The following TMEM232 variants were observed in gnomAD, a reference collection of about 807,000 sequenced individuals.
TMEM232 encodes the protein transmembrane protein 232.
Under a neutral mutation model 78.8 loss-of-function variants are expected in TMEM232, and 80 were observed. The ratio of observed to expected loss-of-function variants is 1.01; its 90% CI spans 0.85 to 1.22. The LOEUF is 1.22. Among genes scored for constraint, TMEM232 ranks in the 50% most tolerant of loss-of-function variants. The pLI is 0.00. For synonymous variants in TMEM232, 297 were observed against 254.3 expected (o/e 1.17, Z -1.60); for missense variants, 881 against 742.2 (o/e 1.19, Z -2.17).
chr5:110,575,368 T>A (rs181076403), intron 10 of TMEM232, among the ~76,000 whole-genome samples: 3 of 152,184 alleles, frequency 2.0e-5, no homozygotes, highest in African/African-American at 7.2e-5. Context: ...TTTATTAGAA[T>A]GTGGTAGTTG....
intron 12 of TMEM232, among the ~76,000 whole-genome samples, chr5:110,452,013 A>T (rs1580735313): frequency 6.6e-6 from 1 of 152,282 alleles, no homozygotes; most frequent in East Asian, 1.9e-4. Flanking sequence ...AACATATTCT[A>T]GCAAAGAAAA....
intron 10 of TMEM232, among the ~76,000 whole-genome samples, chr5:110,579,568 G>C (rs1360563339): frequency 2.6e-5 from 4 of 151,686 alleles, no homozygotes; most frequent in Non-Finnish European, 5.9e-5. Flanking sequence ...TTAGAGCTTT[G>C]AGAAGTGTAG....
At chr5:110,547,163 T>C (rs1344829618) in intron 11 of TMEM232, among the ~76,000 whole-genome samples, 1 of 152,172 alleles carries the variant, frequency 6.6e-6, no homozygotes, top group Non-Finnish European at 1.5e-5. Flanking sequence ...AAGGTGATCA[T>C]TTTGTCTTGT....
intron 11 of TMEM232, among the ~76,000 whole-genome samples, chr5:110,548,960 G>A (rs1466849716): frequency 1.3e-5 from 2 of 151,794 alleles, no homozygotes; most frequent in Non-Finnish European, 2.9e-5. Context: ...CAATATAAAT[G>A]TAACAATAAA....
intron 12 of TMEM232, among the ~76,000 whole-genome samples, chr5:110,510,591 T>C (rs1032044011): frequency 1.3e-5 from 2 of 151,940 alleles, no homozygotes; most frequent in African/African-American, 4.8e-5. Context: ...ACAAAACAAA[T>C]TTACAAGAAA....
chr5:110,706,647 T>A lies in TMEM232; in HGVS notation c.-13+19980A>T, dbSNP rs1373355428. ...TCAAATTCTCAAGAATTATTAAAAG[T>A]ACATCACATTGAATATTCTTCCACC... On this transcript the variant is annotated intron_variant, in intron 1 of 13. Coordinates refer to ENST00000455884, the MANE Select transcript of TMEM232 (RefSeq NM_001039763.4). Among the ~76,000 whole-genome samples the A allele has an allele frequency of 2.6e-5, 4 of 152,268 alleles. No individual in the cohort carries two copies. The East Asian group carries it at 7.7e-4, about 29-fold the overall frequency.
chr5:110,596,313 G>A (rs950343601), intron 10 of TMEM232, among the ~76,000 whole-genome samples: 57 of 152,142 alleles, frequency 3.7e-4, no homozygotes, highest in African/African-American at 1.4e-3. Flanking sequence ...GACTAAACCA[G>A]GAAGAAGTTG....
intron 2 of TMEM232, among the ~76,000 whole-genome samples, chr5:110,643,259 A>G (rs1267006552): frequency 2.0e-5 from 3 of 151,988 alleles, no homozygotes; most frequent in African/African-American, 7.2e-5. Flanking sequence ...AGTATTGGAC[A>G]TGTTATGTTT....
intron 1 of TMEM232, among the ~76,000 whole-genome samples, chr5:110,716,542 T>C (rs1797032954): frequency 1.3e-5 from 2 of 152,102 alleles, no homozygotes; most frequent in Admixed American, 6.6e-5. Flanking sequence ...CAGTTCACAA[T>C]AGAGTTTGCA....
chr5:110,572,895 T>G (rs1029781714), intron 10 of TMEM232, among the ~76,000 whole-genome samples: 5 of 152,212 alleles, frequency 3.3e-5, no homozygotes, highest in Admixed American at 3.3e-4. Context: ...ATCTAGACAT[T>G]TGCTGAGAAG....
At chr5:110,644,109 C>T (rs895505955) in intron 2 of TMEM232, among the ~76,000 whole-genome samples, 1 of 151,892 alleles carries the variant, frequency 6.6e-6, no homozygotes, top group African/African-American at 2.4e-5. Context: ...GGTGTTACAA[C>T]ATACAAAGTC....
rs1192575850 is a variant in TMEM232 at position 110,721,671 on chromosome 5, G to GTATATA, written c.-13+4955_-13+4956insTATATA. On this transcript the variant is annotated intron_variant, in intron 1 of 13. Transcript: ENST00000455884. ...CTGCATATCATGTGTGTGTGTGTGT[G>GTATATA]TGTATATATATATCTGTGTGTGTTA... 2.1e-3 allele frequency among the ~76,000 whole-genome samples: 50 copies of GTATATA among 23,410 alleles called. 3 individuals carry two copies. The highest frequency in any genetic ancestry group is 4.0e-3 in the African/African-American group (50 of 12,466). The allele number at this position is 23,410 out of a possible 152,430, so 15.4% of individuals were successfully genotyped here.
At chr5:110,456,516 G>T (rs1267496209) in intron 12 of TMEM232, among the ~76,000 whole-genome samples, 1 of 152,020 alleles carries the variant, frequency 6.6e-6, no homozygotes, top group South Asian at 2.1e-4. Flanking sequence ...AATCTTGAAG[G>T]ATTTTATATA....
intron 12 of TMEM232, among the ~76,000 whole-genome samples, chr5:110,461,156 G>C (rs1761480917): frequency 1.3e-5 from 2 of 152,000 alleles, no homozygotes; most frequent in Admixed American, 6.6e-5. Context: ...TAGGCCAAAA[G>C]CTAGGTCTCT....
intron 3 of TMEM232, among the ~76,000 whole-genome samples, chr5:110,392,957 T>G (rs191620018): frequency 6.6e-6 from 1 of 152,346 alleles, no homozygotes; most frequent in East Asian, 1.9e-4. Context: ...AGTGAGTCAC[T>G]TAATGTTCAT....
At chr5:110,650,781 T>C (rs1788193643) in intron 2 of TMEM232, among the ~76,000 whole-genome samples, 1 of 151,992 alleles carries the variant, frequency 6.6e-6, no homozygotes. Flanking sequence ...AAAAGGAAAT[T>C]AGGTAAAAAT....
chr5:110,488,509 T>C (rs186215930), intron 12 of TMEM232, among the ~76,000 whole-genome samples: 7 of 152,100 alleles, frequency 4.6e-5, no homozygotes, highest in Admixed American at 4.6e-4. Context: ...ACAATGAAAA[T>C]TGGAAAATAC....
intron 12 of TMEM232, among the ~76,000 whole-genome samples, chr5:110,455,538 C>T (rs1014287544): frequency 1.3e-4 from 20 of 151,850 alleles, no homozygotes; most frequent in Non-Finnish European, 2.9e-5. Flanking sequence ...CCACCACGCC[C>T]GGCTAATTTT....
chr5:110,692,696 C>T (rs908420554), intron 1 of TMEM232, among the ~76,000 whole-genome samples: 1 of 152,232 alleles, frequency 6.6e-6, no homozygotes, highest in African/African-American at 2.4e-5. Flanking sequence ...TGGAGCATCG[C>T]TCATTGCTAG....
Sources: gnomAD v4.1 joint callset for allele counts (sites outside exome capture counted in the v4.1 genomes callset) on GRCh38, gnomAD v4.1.1 for gene constraint, MANE v1.5 for transcripts, NCBI Gene and HGNC (gene_info 2026-07-23, HGNC 2026-07-21) for gene names.